MTRF1: variants seen among roughly 807,000 people sequenced by gnomAD.
The protein encoded by MTRF1 is mitochondrial translation release factor 1, also known as peptide chain release factor 1, mitochondrial.
MTRF1 carries 51 observed loss-of-function variants against 62.9 expected under a neutral mutation model. The ratio of observed to expected loss-of-function variants is 0.81; its 90% CI spans 0.65 to 1.02. The LOEUF (loss-of-function observed/expected upper bound fraction) is 1.02. MTRF1 is among the 50% of genes least tolerant of loss of function. MTRF1 has a pLI of 0.00. For missense variants in MTRF1, 446 were observed against 530.0 expected (o/e 0.84, Z 1.56); for synonymous variants, 158 against 181.9 (o/e 0.87, Z 1.06).
chr13:41,300,223 G>A, the MTRF1 span, among the ~76,000 whole-genome samples: 1 of 152,200 alleles, frequency 6.6e-6, no homozygotes, highest in Non-Finnish European at 1.5e-5. Flanking sequence ...CCACCCAAAA[G>A]CATAGATTTG....
chr13:41,222,347 G>A (rs1308489535), intron 9 of MTRF1, among the ~76,000 whole-genome samples: 1 of 152,166 alleles, frequency 6.6e-6, no homozygotes, highest in African/African-American at 2.4e-5. Context: ...TCTTGACCGA[G>A]TCTTTTCCCC....
intron 2 of MTRF1, among the ~76,000 whole-genome samples, chr13:41,257,513 T>G (rs111641699): frequency 6.6e-6 from 1 of 152,234 alleles, no homozygotes; most frequent in African/African-American, 2.4e-5. Context: ...GTTCAAATCC[T>G]TGCTTCTCCC....
At chr13:41,268,958 G>A in the MTRF1 span, among the ~76,000 whole-genome samples, 2 of 148,242 alleles carry the variant, frequency 1.3e-5, no homozygotes, top group South Asian at 4.2e-4. Context: ...TCCTATTCTT[G>A]TGACTTACAC....
At chr13:41,222,238 CAAAA>C (rs1218261693) in intron 9 of MTRF1, among the ~76,000 whole-genome samples, 1 of 151,996 alleles carries the variant, frequency 6.6e-6, no homozygotes, top group Non-Finnish European at 1.5e-5. Context: ...TCAGTGGCAA[CAAAA>C]AAGACATTTT....
At chr13:41,310,530 T>C in the MTRF1 span, among the ~76,000 whole-genome samples, 132,303 of 152,154 alleles carry the variant, frequency 0.87, 57,701 homozygotes, top group South Asian at 0.91. Flanking sequence ...ATTAGCCGGG[T>C]GTGGTGGCGC....
intron 9 of MTRF1, among the ~76,000 whole-genome samples, chr13:41,221,086 G>C (rs2033231961): frequency 6.6e-6 from 1 of 151,554 alleles, no homozygotes; most frequent in African/African-American, 2.4e-5. Context: ...TCCAACAGCT[G>C]TTGCCCTGGG....
intron 6 of MTRF1, chr13:41,236,109 TG>T (rs1322277413): frequency 2.8e-4 from 34 of 120,096 alleles, no homozygotes; most frequent in African/African-American, 6.6e-4. Context: ...GTTTTGTTTT[TG>T]TTTTTTTTGG....
chr13:41,271,941 C>G, the MTRF1 span, among the ~76,000 whole-genome samples: 20 of 152,128 alleles, frequency 1.3e-4, no homozygotes, highest in African/African-American at 4.8e-4. Flanking sequence ...GAATCAGGAT[C>G]CTTAAACAAC....
chr13:41,298,968 T>C, the MTRF1 span, among the ~76,000 whole-genome samples: 8,544 of 152,176 alleles, frequency 0.056, 299 homozygotes, highest in Non-Finnish European at 0.074. Flanking sequence ...TCACTTGAGG[T>C]CAGGAGTTTG....
chr13:41,311,328 T>G, the MTRF1 span: 10 of 588,846 alleles, frequency 1.7e-5, no homozygotes, highest in East Asian at 3.1e-4. Flanking sequence ...GGGAAGCGTG[T>G]CCTGCTCAGA....
At chr13:41,299,074 A>G in the MTRF1 span, among the ~76,000 whole-genome samples, 1 of 145,360 alleles carries the variant, frequency 6.9e-6, no homozygotes, top group Admixed American at 7.1e-5. Context: ...GCTACTCAGG[A>G]GGCTGAGGCA....
chr13:41,223,205 T>G (rs1225787541), intron 9 of MTRF1, 51 bp downstream of exon 9: 1 of 1,283,950 alleles, frequency 7.8e-7, no homozygotes, highest in Non-Finnish European at 1.1e-6. Context: ...AGAATTTGAC[T>G]ATATTTTCTT....
chr13:41,257,039 C>T (rs952911993), intron 2 of MTRF1, among the ~76,000 whole-genome samples: 3 of 152,044 alleles, frequency 2.0e-5, no homozygotes, highest in African/African-American at 7.2e-5. Context: ...ACATCTCAGC[C>T]AAGCTTTGTA....
Position 41,252,538 on chromosome 13 carries a change from T to A in MTRF1, c.697+107A>T, listed in dbSNP as rs185884588. On this transcript the variant is annotated intron_variant, in intron 5 of 9. Coordinates refer to ENST00000379480, the MANE Select transcript of MTRF1 (RefSeq NM_004294.4). ...AGCCTATGCCACAGTGTTTAGTAGA[T>A]ATACACCAAAAGTTTCAAAAAAAAA... 1.2e-5 allele frequency: 9 copies of A among 761,572 alleles called. No homozygotes were observed. In the African/African-American group the frequency reaches 1.2e-4, roughly 10 times the overall value. The allele number at this position is 761,572 out of a possible 1,614,324, so 47.2% of individuals were successfully genotyped here.
chr13:41,252,804 C>T lies in MTRF1; in HGVS notation c.590-52G>A, dbSNP rs749667193. 23 of 1,498,136 alleles carry T rather than the reference C, an allele frequency of 1.5e-5. No individual in the cohort carries two copies. The East Asian group carries it at 5.0e-4, about 33-fold the overall frequency. The allele number at this position is 1,498,136 out of a possible 1,614,324, so 92.8% of individuals were successfully genotyped here. ...GTCAGGACAAATTTCGGAAAGCCAC[C>T]CTTAAGACTAAGTCCTTTAGGAAAT... On this transcript the variant is annotated intron_variant, in intron 4 of 9. Coordinates refer to ENST00000379480, the MANE Select transcript of MTRF1 (RefSeq NM_004294.4).
At chr13:41,238,073 A>C (rs2036952738) in intron 6 of MTRF1, among the ~76,000 whole-genome samples, 1 of 152,208 alleles carries the variant, frequency 6.6e-6, no homozygotes, top group Non-Finnish European at 1.5e-5. Flanking sequence ...TGATTTCAAA[A>C]CATGTATTTC....
chr13:41,257,724 G>C, intron 2 of MTRF1: 1 of 432,480 alleles, frequency 2.3e-6, no homozygotes, highest in Admixed American at 2.4e-5. Flanking sequence ...CTTGAGTCCA[G>C]GAGTTCAAGG....
At chr13:41,282,626 T>C in the MTRF1 span, among the ~76,000 whole-genome samples, 2 of 152,346 alleles carry the variant, frequency 1.3e-5, no homozygotes, top group Non-Finnish European at 2.9e-5. Flanking sequence ...GCTTCTTGAA[T>C]AAAGTTAACT....
the MTRF1 span, among the ~76,000 whole-genome samples, chr13:41,306,083 T>C: frequency 3.4e-4 from 51 of 152,094 alleles, no homozygotes; most frequent in African/African-American, 1.1e-3. Context: ...GTACCTTTCT[T>C]TCTCGGAAAA....
Sources: gnomAD v4.1 joint callset for allele counts (sites outside exome capture counted in the v4.1 genomes callset) on GRCh38, gnomAD v4.1.1 for gene constraint, MANE v1.5 for transcripts, NCBI Gene and HGNC (gene_info 2026-07-23, HGNC 2026-07-21) for gene names.